Variants in MDGA2 observed in about 807,000 individuals in gnomAD.
The protein encoded by MDGA2 is MAM domain containing glycosylphosphatidylinositol anchor 2.
In MDGA2, 40 loss-of-function variants were observed where a neutral mutation model predicts 117.8. That is an observed-to-expected ratio of 0.34 (90% CI 0.26 to 0.44). MDGA2 has a LOEUF of 0.44. Among genes scored for constraint, MDGA2 ranks in the 20% least tolerant of loss-of-function variants. The pLI is 1.00. For synonymous variants in MDGA2, 452 were observed against 439.0 expected (o/e 1.03, Z -0.37); for missense variants, 1,123 against 1,250.6 (o/e 0.90, Z 1.54).
intron 3 of MDGA2, among the ~76,000 whole-genome samples, chr14:47,162,901 G>GTGTA (rs893096104): frequency 1.6e-4 from 25 of 152,210 alleles, no homozygotes; most frequent in Non-Finnish European, 5.9e-5. Flanking sequence ...GCACGTATAT[G>GTGTA]TGTATGTATG....
intron 1 of MDGA2, among the ~76,000 whole-genome samples, chr14:47,448,048 T>C (rs1052650128): frequency 1.3e-5 from 2 of 152,132 alleles, no homozygotes; most frequent in Non-Finnish European, 2.9e-5. Flanking sequence ...CAATCCCTCT[T>C]ATTCTAGTGA....
intron 5 of MDGA2, among the ~76,000 whole-genome samples, chr14:47,117,203 A>G (rs1160086015): frequency 6.6e-6 from 1 of 152,164 alleles, no homozygotes; most frequent in East Asian, 1.9e-4. Context: ...CAAAATCACA[A>G]TAAGATACCA....
intron 2 of MDGA2, among the ~76,000 whole-genome samples, chr14:47,287,153 C>T (rs1202469970): frequency 6.6e-6 from 1 of 151,866 alleles, no homozygotes; most frequent in Non-Finnish European, 1.5e-5. Context: ...GAATTTAAAA[C>T]CATGCTGTTT....
chr14:46,852,050 C>T (rs1366471030), intron 15 of MDGA2, among the ~76,000 whole-genome samples: 1 of 151,572 alleles, frequency 6.6e-6, no homozygotes, highest in Admixed American at 6.6e-5. Flanking sequence ...AAGTCCTTAG[C>T]CAATAGACCT....
chr14:47,440,710 G>A (rs947729273), intron 1 of MDGA2, among the ~76,000 whole-genome samples: 4 of 151,908 alleles, frequency 2.6e-5, no homozygotes, highest in African/African-American at 9.7e-5. Flanking sequence ...AAATTCCCTG[G>A]AAAGGGAATT....
intron 4 of MDGA2, among the ~76,000 whole-genome samples, chr14:47,137,610 C>A (rs549647768): frequency 6.6e-6 from 1 of 152,142 alleles, no homozygotes; most frequent in African/African-American, 2.4e-5. Flanking sequence ...CCTCACCAGA[C>A]GCAGATGCCA....
At chr14:47,488,365 C>A (rs1454777742) in intron 1 of MDGA2, among the ~76,000 whole-genome samples, 1 of 152,100 alleles carries the variant, frequency 6.6e-6, no homozygotes, top group East Asian at 1.9e-4. Flanking sequence ...GCATTTTGTT[C>A]ATGCACCAGA....
At chr14:47,084,572 C>T (rs1041860134) in intron 6 of MDGA2, among the ~76,000 whole-genome samples, 1 of 151,504 alleles carries the variant, frequency 6.6e-6, no homozygotes, top group Non-Finnish European at 1.5e-5. Flanking sequence ...GGACTGAATG[C>T]ATGTGTTTTC....
chr14:46,996,719 G>C (rs1171874084), intron 8 of MDGA2: 1 of 161,592 alleles, frequency 6.2e-6, no homozygotes, highest in Non-Finnish European at 1.3e-5. Flanking sequence ...ATTTAATGCA[G>C]ACAGTGTCAG....
chr14:47,344,900 A>C (rs1337278532), intron 1 of MDGA2, among the ~76,000 whole-genome samples: 1 of 151,934 alleles, frequency 6.6e-6, no homozygotes, highest in Admixed American at 6.6e-5. Flanking sequence ...TGTTTATGAC[A>C]TACACAAAAT....
intron 1 of MDGA2, among the ~76,000 whole-genome samples, chr14:47,664,853 GC>G (rs1250261406): frequency 6.6e-6 from 1 of 152,106 alleles, no homozygotes; most frequent in African/African-American, 2.4e-5. Context: ...AAAAGGAGTT[GC>G]CCCCCACAGG....
At chr14:47,533,274 T>C (rs868706466) in intron 1 of MDGA2, among the ~76,000 whole-genome samples, 1 of 152,188 alleles carries the variant, frequency 6.6e-6, no homozygotes. Flanking sequence ...GTCTGAGACA[T>C]GCGCCAATTA....
At chr14:47,388,895 C>A (rs1891822863) in intron 1 of MDGA2, among the ~76,000 whole-genome samples, 1 of 152,120 alleles carries the variant, frequency 6.6e-6, no homozygotes, top group Non-Finnish European at 1.5e-5. Context: ...TGCTTTCTAC[C>A]TCTCAGTTAC....
intron 8 of MDGA2, among the ~76,000 whole-genome samples, chr14:46,970,358 G>C (rs964267211): frequency 1.3e-5 from 2 of 152,072 alleles, no homozygotes; most frequent in Non-Finnish European, 2.9e-5. Flanking sequence ...AACAGACTTA[G>C]ATCAATGGAA....
chr14:47,320,220 T>G (rs991465442), intron 1 of MDGA2, among the ~76,000 whole-genome samples: 1 of 152,122 alleles, frequency 6.6e-6, no homozygotes, highest in African/African-American at 2.4e-5. Flanking sequence ...ACAAATACAC[T>G]ATTAAACAAT....
At chr14:47,017,088 C>T (rs1488633718) in intron 8 of MDGA2, among the ~76,000 whole-genome samples, 1 of 151,042 alleles carries the variant, frequency 6.6e-6, no homozygotes, top group Non-Finnish European at 1.5e-5. Context: ...TCTTGGTTTC[C>T]ATTTGTGTTT....
intron 3 of MDGA2, among the ~76,000 whole-genome samples, chr14:47,147,089 A>G (rs766585495): frequency 6.6e-6 from 1 of 152,078 alleles, no homozygotes; most frequent in African/African-American, 2.4e-5. Context: ...TGGCACAGCT[A>G]AAAATATACA....
intron 1 of MDGA2, among the ~76,000 whole-genome samples, chr14:47,337,672 A>G (rs1310900985): frequency 6.6e-6 from 1 of 151,992 alleles, no homozygotes; most frequent in Non-Finnish European, 1.5e-5. Flanking sequence ...GAGGAGAAAG[A>G]GACAATAAAG....
intron 6 of MDGA2, among the ~76,000 whole-genome samples, chr14:47,086,805 A>G (rs1201111754): frequency 1.3e-5 from 2 of 152,138 alleles, no homozygotes; most frequent in Non-Finnish European, 2.9e-5. Context: ...AATTTTTTCT[A>G]TCTCCCTAAT....
Sources: allele counts gnomAD v4.1 joint callset (sites outside exome capture counted in the v4.1 genomes callset), GRCh38; gene constraint gnomAD v4.1.1; transcripts MANE v1.5; gene names NCBI Gene and HGNC (gene_info 2026-07-23, HGNC 2026-07-21).